Variants in ANO6 observed in about 807,000 individuals in gnomAD.
ANO6 encodes anoctamin 6.
ANO6 carries 106 observed loss-of-function variants against 117.5 expected under a neutral mutation model. That is an observed-to-expected ratio of 0.90 (90% CI 0.77 to 1.06). The LOEUF (loss-of-function observed/expected upper bound fraction) is 1.06, where lower values mean the gene tolerates loss of function less well. ANO6 is among the 50% of genes least tolerant of loss of function. The pLI, the probability that ANO6 is intolerant of heterozygous loss-of-function variation, is 0.00. For synonymous variants in ANO6, 367 were observed against 385.1 expected (o/e 0.95, Z 0.55); for missense variants, 955 against 1,121.1 (o/e 0.85, Z 2.12).
chr12:45,411,216 G>C lies in ANO6; in HGVS notation c.2011+1729G>C, dbSNP rs534127242. Among the ~76,000 whole-genome samples the C allele has an allele frequency of 8.6e-4, 131 of 152,316 alleles. 1 individual carries two copies. Among genetic ancestry groups the C allele is most frequent in the African/African-American group, 3.1e-3 (128 of 41,574 alleles). ...TCAGAAGGGAAAGTTATATGGTCAT[G>C]TGCTTTGGGGAGAAGTTGATAGGAC... On this transcript the variant is annotated intron_variant, in intron 16 of 19. Coordinates refer to ENST00000320560, the MANE Select transcript of ANO6 (RefSeq NM_001025356.3).
At chr12:45,272,976 A>G (rs1938438469) in intron 1 of ANO6, among the ~76,000 whole-genome samples, 1 of 152,212 alleles carries the variant, frequency 6.6e-6, no homozygotes, top group Admixed American at 6.5e-5. Context: ...ATTCAGCCTT[A>G]AAAAAGAAGG....
intron 2 of ANO6, among the ~76,000 whole-genome samples, chr12:45,330,458 G>T (rs562149548): frequency 6.6e-6 from 1 of 152,220 alleles, no homozygotes; most frequent in East Asian, 1.9e-4. Flanking sequence ...TTAAAAAGCA[G>T]TCGATTCTTA....
At chr12:45,331,043 A>G (rs1940645378) in intron 2 of ANO6, among the ~76,000 whole-genome samples, 1 of 151,704 alleles carries the variant, frequency 6.6e-6, no homozygotes, top group South Asian at 2.1e-4. Flanking sequence ...ATTGTGTTAC[A>G]TATGTAATAT....
chr12:45,264,392 T>A (rs1158118818), intron 1 of ANO6, among the ~76,000 whole-genome samples: 1 of 152,238 alleles, frequency 6.6e-6, no homozygotes, highest in Non-Finnish European at 1.5e-5. Flanking sequence ...TCTCTTCATC[T>A]TGGCCTCTTT....
intron 2 of ANO6, among the ~76,000 whole-genome samples, chr12:45,329,657 G>C (rs1343985691): frequency 6.6e-6 from 1 of 152,114 alleles, no homozygotes; most frequent in East Asian, 1.9e-4. Context: ...CAGAGAACAA[G>C]TTGCTTTTTG....
At chr12:45,243,997 A>C (rs1306854043) in intron 1 of ANO6, among the ~76,000 whole-genome samples, 3 of 152,240 alleles carry the variant, frequency 2.0e-5, no homozygotes, top group African/African-American at 7.2e-5. Context: ...AACAGTGTAC[A>C]AAGGGAAATT....
intron 3 of ANO6, among the ~76,000 whole-genome samples, chr12:45,332,087 C>T (rs1196115676): frequency 1.3e-5 from 2 of 151,930 alleles, no homozygotes; most frequent in Admixed American, 6.6e-5. Context: ...AGTAAAAGGC[C>T]ATCTTTATCT....
rs185329263 is a variant in ANO6 at position 45,245,804 on chromosome 12, G to C, written c.70+29413G>C. ...TCTTATGATTTCAAGTAAAATTATT[G>C]TAATGTGTAAAATAACTTAATTACA... is the stretch of plus-strand genomic sequence containing the variant. On this transcript the variant is annotated intron_variant, in intron 1 of 19. Coordinates refer to ENST00000320560, the MANE Select transcript of ANO6 (RefSeq NM_001025356.3). Among the ~76,000 whole-genome samples, 872 of 152,220 alleles carry C rather than the reference G, an allele frequency of 5.7e-3. 6 individuals are homozygous for C. Among genetic ancestry groups the C allele is most frequent in the Non-Finnish European group, 0.01 (714 of 68,016 alleles).
chr12:45,439,565 C>G (rs1189283347), intron 19 of ANO6: 2 of 1,033,542 alleles, frequency 1.9e-6, no homozygotes, highest in Admixed American at 3.8e-5. Context: ...AACAAATTCT[C>G]AAAGGTAAAT....
intron 2 of ANO6, among the ~76,000 whole-genome samples, chr12:45,328,502 T>A (rs923610625): frequency 6.6e-6 from 1 of 152,198 alleles, no homozygotes; most frequent in Non-Finnish European, 1.5e-5. Flanking sequence ...TTCTACTTAT[T>A]ACTCATGCCT....
chr12:45,356,415 T>C (rs988602215), intron 7 of ANO6, among the ~76,000 whole-genome samples: 5 of 152,286 alleles, frequency 3.3e-5, no homozygotes, highest in Non-Finnish European at 7.3e-5. Context: ...GTCGAAAACC[T>C]GCATATATAT....
chr12:45,225,407 T>G (rs988773922), intron 1 of ANO6, among the ~76,000 whole-genome samples: 6 of 152,220 alleles, frequency 3.9e-5, no homozygotes, highest in African/African-American at 1.4e-4. Flanking sequence ...AGATTTCTTA[T>G]TCATCTTTGT....
intron 1 of ANO6, among the ~76,000 whole-genome samples, chr12:45,219,524 T>TC (rs1241264199): frequency 6.6e-6 from 1 of 150,708 alleles, no homozygotes; most frequent in African/African-American, 2.4e-5. Context: ...TTTTTTTTTT[T>TC]TGGTAGAGAC....
At chr12:45,239,866 G>A (rs1947710761) in intron 1 of ANO6, among the ~76,000 whole-genome samples, 1 of 152,162 alleles carries the variant, frequency 6.6e-6, no homozygotes, top group African/African-American at 2.4e-5. Flanking sequence ...GTTCTAATTT[G>A]ATTGCACTAT....
rs866745886 is a variant in ANO6, at chr12:45,421,011, C to T, written c.2218-60C>T. The T allele has an allele frequency of 7.0e-6, 11 of 1,574,346 alleles. No individual in the cohort carries two copies. The South Asian group carries it at 8.9e-5, about 13-fold the overall frequency. On this transcript the variant is annotated intron_variant, in intron 17 of 19. Coordinates refer to ENST00000320560, the MANE Select transcript of ANO6 (RefSeq NM_001025356.3). ...TGCAGCCTGGGCAGCAAGAGCGAGA[C>T]TCCGTCTCAAAAACAAAAAACTATA...
At chr12:45,280,867 T>TA (rs1938704628) in intron 1 of ANO6, among the ~76,000 whole-genome samples, 7 of 52,258 alleles carry the variant, frequency 1.3e-4, no homozygotes, top group South Asian at 7.1e-4. Flanking sequence ...TATATGTGTT[T>TA]TTATATATAT....
chr12:45,383,533 TATTTCTTAAATAATA>T (rs1277221352), intron 10 of ANO6, among the ~76,000 whole-genome samples: 2 of 151,546 alleles, frequency 1.3e-5, no homozygotes, highest in Non-Finnish European at 2.9e-5. Flanking sequence ...TTACTAAATG[TATTTCTTAAATAATA>T]AAATGTAAAA....
At chr12:45,387,707 T>C (rs767548172) in intron 10 of ANO6, among the ~76,000 whole-genome samples, 1 of 152,226 alleles carries the variant, frequency 6.6e-6, no homozygotes, top group Non-Finnish European at 1.5e-5. Flanking sequence ...AAAAGTATTA[T>C]GGATGATATG....
At position 45,388,300 on chromosome 12, in the gene ANO6, T is replaced by C; in HGVS notation, c.1305T>C (p.Thr435=). 1 of 1,613,998 alleles carries C rather than the reference T, an allele frequency of 6.2e-7. No homozygotes were observed. ...RCTHVVINEI[T]QEEERIPFTA... ...CTCACGTAGTGATAAATGAGATTAC[T>C]CAGGTAAGCAGGGTCGTATTTAGGT... The change falls in exon 11 of 20, where the codon ACT becomes ACC. Residue 435 remains threonine (T), a synonymous_variant. Transcript: ENST00000320560.
Sources: gnomAD v4.1 joint callset for allele counts (sites outside exome capture counted in the v4.1 genomes callset) on GRCh38, gnomAD v4.1.1 for gene constraint, MANE v1.5 for transcripts, NCBI Gene and HGNC (gene_info 2026-07-23, HGNC 2026-07-21) for gene names.